The following MEMO1 variants were observed in gnomAD, a reference collection of about 807,000 sequenced individuals.
MEMO1 encodes the protein protein MEMO1.
MEMO1 carries 6 observed loss-of-function variants against 45.2 expected under a neutral mutation model. The observed-to-expected ratio is 0.13, with a 90% CI of 0.07 to 0.26. MEMO1 has a LOEUF of 0.26. Among genes scored for constraint, MEMO1 ranks in the 10% least tolerant of loss-of-function variants. The pLI, the probability that MEMO1 is intolerant of heterozygous loss-of-function variation, is 1.00. For synonymous variants in MEMO1, 78 were observed against 124.3 expected (o/e 0.63, Z 2.48); for missense variants, 184 against 370.5 (o/e 0.50, Z 4.13).
chr2:31,977,417 T>C (rs943339599), intron 2 of MEMO1, among the ~76,000 whole-genome samples: 8 of 152,168 alleles, frequency 5.3e-5, no homozygotes, highest in Admixed American at 5.2e-4. Flanking sequence ...TAACCTTAAG[T>C]CACAATGATG....
chr2:31,887,583 T>C (rs7591270), intron 7 of MEMO1, among the ~76,000 whole-genome samples: 14,905 of 152,072 alleles, frequency 0.098, 783 homozygotes, highest in Middle Eastern at 0.21. Flanking sequence ...AAAGAAAAAA[T>C]GTATTTCATA....
chr2:31,887,571 C>T (rs891317822), intron 7 of MEMO1, among the ~76,000 whole-genome samples: 1 of 151,936 alleles, frequency 6.6e-6, no homozygotes. Context: ...GAAATCACTA[C>T]CAAAGAAAAA....
At chr2:31,917,114 G>A (rs1446715219) in intron 6 of MEMO1, among the ~76,000 whole-genome samples, 1 of 152,124 alleles carries the variant, frequency 6.6e-6, no homozygotes, top group Non-Finnish European at 1.5e-5. Context: ...AATATTTACT[G>A]AGAGCGTACA....
intron 2 of MEMO1, among the ~76,000 whole-genome samples, chr2:32,007,380 A>G (rs764444552): frequency 2.0e-5 from 3 of 152,186 alleles, no homozygotes; most frequent in Admixed American, 6.5e-5. Flanking sequence ...CTTACTTGAT[A>G]TTTATTTGCT....
At chr2:31,944,684 T>C (rs886840587) in intron 2 of MEMO1, among the ~76,000 whole-genome samples, 3 of 152,214 alleles carry the variant, frequency 2.0e-5, no homozygotes, top group Admixed American at 1.3e-4. Context: ...CTTTTTTACT[T>C]TATCATTATT....
chr2:31,900,595 G>A (rs1012091674), intron 6 of MEMO1, among the ~76,000 whole-genome samples: 1 of 152,038 alleles, frequency 6.6e-6, no homozygotes, highest in Non-Finnish European at 1.5e-5. Flanking sequence ...ATGGGCTGAT[G>A]GGTGCAGCAA....
chr2:31,981,139 A>C (rs187233819), intron 2 of MEMO1, among the ~76,000 whole-genome samples: 1 of 152,362 alleles, frequency 6.6e-6, no homozygotes, highest in Non-Finnish European at 1.5e-5. Flanking sequence ...GAAAACAGAC[A>C]ATCCCCATTA....
chr2:31,888,707 A>G (rs1676523612), intron 7 of MEMO1, among the ~76,000 whole-genome samples: 1 of 152,134 alleles, frequency 6.6e-6, no homozygotes, highest in Admixed American at 6.6e-5. Context: ...AACTATTTTA[A>G]GTGTTGCCTG....
intron 6 of MEMO1, chr2:31,893,338 A>T: frequency 8.6e-7 from 1 of 1,164,912 alleles, no homozygotes; most frequent in Non-Finnish European, 1.1e-6. Context: ...AGTAAGAGAA[A>T]AAAAGGAAGC....
chr2:31,996,604 A>C (rs1289569561), intron 2 of MEMO1, among the ~76,000 whole-genome samples: 1 of 152,222 alleles, frequency 6.6e-6, no homozygotes, highest in South Asian at 2.1e-4. Flanking sequence ...TGGAAATTTC[A>C]ACACTGCTCT....
Position 31,943,312 on chromosome 2 carries a change from T to G in MEMO1, c.133A>C (p.Ile45Leu), listed in dbSNP as rs200502530. Residue 45 changes from isoleucine (I) to leucine (L), a missense_variant, in exon 3 of 10, where the codon ATT becomes CTT. By Grantham distance (5) the Ile-to-Leu change is conservative. This residue lies in a region of MEMO1 where 27 missense variants were observed against 82.1 expected (regional missense o/e 0.33). Coordinates refer to ENST00000404530, the MANE Select transcript of MEMO1 (RefSeq NM_001301833.4). The stretch of plus-strand genomic sequence containing the variant: ...ACAAAAAAGACTTACGGGGCAATAA[T>G]GGCTCTAGCAGGTCTTTTTGTAGAC... Reference protein sequence around the residue: ...VQSTKRPARAIIAPHAGYTYC... With the variant: ...VQSTKRPARALIAPHAGYTYC... 1 of 1,612,392 alleles carries G rather than the reference T, an allele frequency of 6.2e-7. No individual in the cohort carries two copies. Among genetic ancestry groups the G allele is most frequent in the Non-Finnish European group, 8.5e-7 (1 of 1,178,568 alleles).
In MEMO1 at chr2:32,005,283, G is replaced by A. The variant is rs1421706829; in HGVS notation, c.61+4904C>T. On this transcript the variant is annotated intron_variant, in intron 2 of 9. Transcript: ENST00000404530. ...TGCAGTGAGCTATGATCGAGCCACG[G>A]CACTCTAGCCTGGGTGACAGAGAGA... is the stretch of plus-strand genomic sequence containing the variant. 3.0e-5 allele frequency among the ~76,000 whole-genome samples: 4 copies of A among 135,226 alleles called. No individual in the cohort carries two copies. The South Asian group carries it at 9.2e-4, about 31-fold the overall frequency. 88.7% of individuals were successfully genotyped at this position (135,226 alleles called of 152,430 possible). A position where few individuals can be genotyped will look rare whatever the true frequency, so the allele number is the denominator to read the frequency against.
intron 2 of MEMO1, among the ~76,000 whole-genome samples, chr2:31,982,075 G>C (rs1670700655): frequency 6.6e-6 from 1 of 151,972 alleles, no homozygotes; most frequent in Non-Finnish European, 1.5e-5. Context: ...AAGGTGGGTG[G>C]ATCATGAGGT....
At chr2:31,988,014 G>A (rs763780084) in intron 2 of MEMO1, among the ~76,000 whole-genome samples, 6 of 152,204 alleles carry the variant, frequency 3.9e-5, no homozygotes, top group Non-Finnish European at 5.9e-5. Flanking sequence ...AGTGTTAGTA[G>A]GAAGGACTTG....
chr2:31,959,733 CAAAT>C (rs1292817376), intron 2 of MEMO1, among the ~76,000 whole-genome samples: 1 of 151,930 alleles, frequency 6.6e-6, no homozygotes, highest in Non-Finnish European at 1.5e-5. Context: ...TACAGAACCT[CAAAT>C]AAAATTCATT....
intron 2 of MEMO1, among the ~76,000 whole-genome samples, chr2:31,956,664 T>C (rs1667448022): frequency 6.6e-6 from 1 of 152,194 alleles, no homozygotes; most frequent in African/African-American, 2.4e-5. Context: ...AACCAGAATA[T>C]TAAGCAACCG....
At chr2:31,904,482 A>G (rs977535195) in intron 6 of MEMO1, among the ~76,000 whole-genome samples, 4 of 152,218 alleles carry the variant, frequency 2.6e-5, no homozygotes, top group African/African-American at 4.8e-5. Flanking sequence ...TGTACTTTCT[A>G]TGCAGCCCAC....
intron 2 of MEMO1, among the ~76,000 whole-genome samples, chr2:32,005,331 A>G (rs1023459294): frequency 6.6e-6 from 1 of 151,696 alleles, no homozygotes; most frequent in South Asian, 2.1e-4. Flanking sequence ...AAAAAAAAAA[A>G]AAAAAGAAGC....
chr2:32,007,814 T>C (rs1674293209), intron 2 of MEMO1, among the ~76,000 whole-genome samples: 1 of 152,330 alleles, frequency 6.6e-6, no homozygotes, highest in Non-Finnish European at 1.5e-5. Context: ...CAGGTGTTAC[T>C]AAACCCAGTC....
Sources: allele counts gnomAD v4.1 joint callset (sites outside exome capture counted in the v4.1 genomes callset), GRCh38; gene constraint gnomAD v4.1.1; regional missense constraint gnomAD v4.1.1; transcripts MANE v1.5; gene names NCBI Gene and HGNC (gene_info 2026-07-23, HGNC 2026-07-21).